TRPM3: variants seen among roughly 807,000 people sequenced by gnomAD.
TRPM3 encodes long transient receptor potential channel 3.
A neutral mutation model predicts 181.2 loss-of-function variants in TRPM3; 77 were observed. That is an observed-to-expected ratio of 0.42 (90% CI 0.35 to 0.51). The LOEUF (loss-of-function observed/expected upper bound fraction) is 0.51, where lower values mean the gene tolerates loss of function less well. TRPM3 is among the 20% of genes least tolerant of loss of function. TRPM3 has a pLI of 0.01. For synonymous variants in TRPM3, 745 were observed against 796.4 expected (o/e 0.94, Z 1.09); for missense variants, 1,759 against 2,196.7 (o/e 0.80, Z 3.98).
intron 1 of TRPM3, among the ~76,000 whole-genome samples, chr9:70,888,934 T>C (rs1409603005): frequency 6.6e-6 from 1 of 152,190 alleles, no homozygotes; most frequent in Non-Finnish European, 1.5e-5. Context: ...CAAAAAGGCA[T>C]GACCTACAAG....
chr9:70,949,711 A>C (rs1386025409), intron 1 of TRPM3, among the ~76,000 whole-genome samples: 1 of 152,084 alleles, frequency 6.6e-6, no homozygotes, highest in African/African-American at 2.4e-5. Flanking sequence ...ACCTGAATGT[A>C]ATCTTAAAGG....
chr9:70,854,057 G>A (rs955753662), intron 3 of TRPM3, among the ~76,000 whole-genome samples: 4 of 152,116 alleles, frequency 2.6e-5, no homozygotes, highest in Admixed American at 2.0e-4. Context: ...GCAGCTCCAC[G>A]CTCATAAATG....
At chr9:71,287,815 C>T (rs1376424899) in intron 1 of TRPM3, among the ~76,000 whole-genome samples, 1 of 152,110 alleles carries the variant, frequency 6.6e-6, no homozygotes, top group Non-Finnish European at 1.5e-5. Flanking sequence ...AGAGGCTAAG[C>T]AATGCGCCCG....
Position 70,683,373 on chromosome 9 carries a change from C to T in TRPM3, c.1273-1795G>A, listed in dbSNP as rs577010525. On this transcript the variant is annotated intron_variant, in intron 8 of 25. Transcript: ENST00000677713. ...TAGCTGAGACTATAGGCATGTGCCACCATGCCCAGCTTCCTTCCTTCCTTT... is the reference window on the plus strand; with the variant it reads ...TAGCTGAGACTATAGGCATGTGCCATCATGCCCAGCTTCCTTCCTTCCTTT... 1.5e-4 allele frequency among the ~76,000 whole-genome samples: 22 copies of T among 150,976 alleles called. No homozygotes were observed. The South Asian group carries it at 4.4e-3, about 30-fold the overall frequency.
At chr9:71,090,498 C>A (rs887025660) in intron 1 of TRPM3, among the ~76,000 whole-genome samples, 1 of 152,148 alleles carries the variant, frequency 6.6e-6, no homozygotes, top group Admixed American at 6.5e-5. Context: ...ACCTGGTCAC[C>A]CTCCACATCA....
At chr9:71,421,676 A>G (rs963194961) in intron 1 of TRPM3, among the ~76,000 whole-genome samples, 6 of 152,018 alleles carry the variant, frequency 3.9e-5, no homozygotes. Flanking sequence ...CCTAGCTGGG[A>G]TAGCCTGCTA....
At chr9:70,936,683 C>T (rs76902959) in intron 1 of TRPM3, among the ~76,000 whole-genome samples, 5 of 152,014 alleles carry the variant, frequency 3.3e-5, no homozygotes, top group African/African-American at 1.2e-4. Context: ...TCACATAAGC[C>T]GCCTCTGCCT....
intron 1 of TRPM3, among the ~76,000 whole-genome samples, chr9:71,129,018 G>A (rs1048868787): frequency 6.6e-6 from 1 of 152,204 alleles, no homozygotes; most frequent in African/African-American, 2.4e-5. Context: ...GGGAAACAGA[G>A]ACATACTGTG....
intron 1 of TRPM3, among the ~76,000 whole-genome samples, chr9:70,967,268 G>C (rs1458465295): frequency 6.6e-6 from 1 of 152,064 alleles, no homozygotes; most frequent in Non-Finnish European, 1.5e-5. Flanking sequence ...AGAAAGATCA[G>C]AGAACAGAGG....
chr9:71,340,122 C>T lies in TRPM3; in HGVS notation c.183+106531G>A, dbSNP rs534524505. Among the ~76,000 whole-genome samples the T allele has an allele frequency of 7.7e-4, 117 of 152,210 alleles. No homozygotes were observed. The Middle Eastern group carries it at 0.01, about 13-fold the overall frequency. ...CCTGGGGCATGGTTTAGCATTTCTG[C>T]AACTATACGCATGCCAGGGTTGAAC... On this transcript the variant is annotated intron_variant, in intron 1 of 24. Coordinates refer to the TRPM3 transcript ENST00000357533.
chr9:70,960,365 T>C (rs947047512), intron 1 of TRPM3, among the ~76,000 whole-genome samples: 83 of 152,202 alleles, frequency 5.5e-4, no homozygotes, highest in African/African-American at 1.9e-3. Flanking sequence ...GTCCCTCCCA[T>C]CCATGGAAAA....
chr9:70,866,850 A>G (rs2095660216), intron 1 of TRPM3, among the ~76,000 whole-genome samples: 1 of 152,000 alleles, frequency 6.6e-6, no homozygotes, highest in Non-Finnish European at 1.5e-5. Context: ...TTTTATATCC[A>G]TTTTTCCAGT....
At chr9:70,576,321 C>A (rs190818105) in intron 22 of TRPM3, among the ~76,000 whole-genome samples, 1 of 152,142 alleles carries the variant, frequency 6.6e-6, no homozygotes, top group South Asian at 2.1e-4. Flanking sequence ...TGACCATCAA[C>A]CTTTGGCAGT....
At chr9:70,651,107 G>C (rs1172148263) in intron 9 of TRPM3, among the ~76,000 whole-genome samples, 2 of 152,132 alleles carry the variant, frequency 1.3e-5, no homozygotes, top group Non-Finnish European at 2.9e-5. Context: ...TGTGTACAAA[G>C]AGACCAACGT....
At chr9:70,857,578 T>C (rs2095419363) in intron 3 of TRPM3, among the ~76,000 whole-genome samples, 1 of 152,180 alleles carries the variant, frequency 6.6e-6, no homozygotes, top group Non-Finnish European at 1.5e-5. Context: ...TACCCACATA[T>C]ATATTTCCCA....
At chr9:71,407,594 C>T (rs2093461620) in intron 1 of TRPM3, among the ~76,000 whole-genome samples, 1 of 152,178 alleles carries the variant, frequency 6.6e-6, no homozygotes, top group Non-Finnish European at 1.5e-5. Flanking sequence ...ATGGGTGGAG[C>T]CCACTGCAGC....
At chr9:71,051,314 C>T (rs780262787) in intron 1 of TRPM3, among the ~76,000 whole-genome samples, 1 of 152,192 alleles carries the variant, frequency 6.6e-6, no homozygotes, top group Non-Finnish European at 1.5e-5. Flanking sequence ...CAGTTTACTG[C>T]AGTTTACTAA....
At chr9:70,855,873 T>TA (rs5898168) in intron 3 of TRPM3, among the ~76,000 whole-genome samples, 2 of 151,878 alleles carry the variant, frequency 1.3e-5, no homozygotes, top group African/African-American at 2.4e-5. Context: ...GTTTAATAGA[T>TA]AAAAAAATAT....
chr9:71,135,933 C>A (rs1290253602), intron 1 of TRPM3, among the ~76,000 whole-genome samples: 2 of 152,136 alleles, frequency 1.3e-5, no homozygotes, highest in Non-Finnish European at 2.9e-5. Context: ...GGATTTGATG[C>A]CACACTTGCA....
Sources: allele counts gnomAD v4.1 joint callset (sites outside exome capture counted in the v4.1 genomes callset), GRCh38; gene constraint gnomAD v4.1.1; transcripts MANE v1.5; gene names NCBI Gene and HGNC (gene_info 2026-07-23, HGNC 2026-07-21).